Variants in BIRC6 observed in about 807,000 individuals in gnomAD.
BIRC6 encodes the protein baculoviral IAP repeat containing 6.
Under a neutral mutation model 503.3 loss-of-function variants are expected in BIRC6, and 98 were observed. The ratio of observed to expected loss-of-function variants is 0.19; its 90% CI spans 0.17 to 0.23. The LOEUF is 0.23. Ranked by LOEUF, BIRC6 falls within the 10% of genes least tolerant of loss-of-function variation. The pLI, the probability that BIRC6 is intolerant of heterozygous loss-of-function variation, is 1.00. For synonymous variants in BIRC6, 2,240 were observed against 2,078.7 expected (o/e 1.08, Z -2.11); for missense variants, 5,360 against 5,806.0 (o/e 0.92, Z 2.50).
chr2:32,439,676 C>G lies in BIRC6; in HGVS notation c.3800C>G (p.Ala1267Gly), dbSNP rs1274067006. 1 of 1,613,510 alleles carries G rather than the reference C, an allele frequency of 6.2e-7. No individual in the cohort carries two copies. The highest frequency in any genetic ancestry group is 8.5e-7 in the Non-Finnish European group (1 of 1,179,654). ...CTTGCTTCACTTTTGGCTAAAGTTG[C>G]AGCAGGCAAGGTATGAAACTGTCAT... Reference protein sequence around the residue: ...YSLASLLAKVAAGKEKSSNVK... With the variant: ...YSLASLLAKVGAGKEKSSNVK... The change falls in exon 16 of 74, where the codon GCA becomes GGA. Residue 1267 changes from alanine (A) to glycine (G), a missense_variant. Transcript: ENST00000421745.
chr2:32,484,959 G>T (rs2050830765), intron 39 of BIRC6, among the ~76,000 whole-genome samples: 1 of 152,146 alleles, frequency 6.6e-6, no homozygotes, highest in South Asian at 2.1e-4. Context: ...TCCCCCTTGA[G>T]ATTTTCTCAT....
At chr2:32,575,796 C>G (rs891050051) in intron 66 of BIRC6, among the ~76,000 whole-genome samples, 1 of 152,052 alleles carries the variant, frequency 6.6e-6, no homozygotes, top group African/African-American at 2.4e-5. Context: ...CATGCACACC[C>G]TCACACACAA....
Position 32,386,434 on chromosome 2 carries a change from GTC to G in BIRC6, c.646-2306_646-2305del, listed in dbSNP as rs75064270. On this transcript the variant is annotated intron_variant, in intron 3 of 73. Transcript: ENST00000421745. ...ATTTGATTACCTCTGTATCTTTTAA[GTC>G]TCTCTCTCTTTTTTTTTTTTTTTCC... Among the ~76,000 whole-genome samples the G allele has an allele frequency of 1.3e-4, 20 of 150,098 alleles. 1 individual carries two copies. The highest frequency in any genetic ancestry group is 3.3e-4 in the Admixed American group (5 of 14,944).
chr2:32,515,521 A>G lies in BIRC6; in HGVS notation c.11100A>G (p.Lys3700=). 1 of 1,614,008 alleles carries G rather than the reference A, an allele frequency of 6.2e-7. No homozygotes were observed. Among genetic ancestry groups the G allele is most frequent in the Non-Finnish European group, 8.5e-7 (1 of 1,179,892 alleles). The change falls in exon 55 of 74, where the codon AAA becomes AAG. Residue 3700 remains lysine, a synonymous_variant. Coordinates refer to ENST00000421745, the MANE Select transcript of BIRC6 (RefSeq NM_016252.4). The part of the protein sequence containing the change: ...LTEVGNSHIM[K]DWLGGSEVNP... ...AAGTTGGCAATAGCCATATTATGAA[A>G]GATTGGCTTGGTGGTTCTGAAGTCA... is the stretch of plus-strand genomic sequence containing the variant.
intron 23 of BIRC6, among the ~76,000 whole-genome samples, chr2:32,462,876 A>G (rs993098465): frequency 1.3e-5 from 2 of 151,896 alleles, no homozygotes; most frequent in Admixed American, 6.6e-5. Context: ...GAATCTCTTG[A>G]ACCCAGACGT....
chr2:32,458,852 G>C (rs980980784), intron 23 of BIRC6, among the ~76,000 whole-genome samples: 17 of 151,726 alleles, frequency 1.1e-4, no homozygotes, highest in African/African-American at 4.1e-4. Context: ...ACCACCATCA[G>C]TGAATTTTTT....
intron 1 of BIRC6, among the ~76,000 whole-genome samples, chr2:32,376,928 C>G (rs1006011073): frequency 6.6e-6 from 1 of 152,100 alleles, no homozygotes; most frequent in Non-Finnish European, 1.5e-5. Flanking sequence ...TGTTTTTGGG[C>G]TTCTATTGAC....
At chr2:32,526,206 G>A (rs749097821) in intron 59 of BIRC6, among the ~76,000 whole-genome samples, 1 of 152,134 alleles carries the variant, frequency 6.6e-6, no homozygotes, top group Non-Finnish European at 1.5e-5. Context: ...AGTTTTTTCA[G>A]TGTCCACAAG....
intron 22 of BIRC6, among the ~76,000 whole-genome samples, chr2:32,452,456 A>C (rs1343764159): frequency 3.3e-5 from 5 of 152,172 alleles, no homozygotes; most frequent in Admixed American, 2.0e-4. Context: ...AAAGCTCTTC[A>C]GGGTGCTTAA....
chr2:32,477,348 C>T lies in BIRC6; in HGVS notation c.6853-20C>T, dbSNP rs531458745. 8 of 1,608,380 alleles carry T rather than the reference C, an allele frequency of 5.0e-6. No individual in the cohort carries two copies. In the South Asian group the frequency reaches 8.8e-5, roughly 18 times the overall value. On this transcript the variant is annotated intron_variant, in intron 34 of 73. Transcript: ENST00000421745. ...CATTAAGTAAACATTGATTTAAACACTATACATTTTTGTGTGCAGCACTTT... is the reference window on the plus strand; with the variant it reads ...CATTAAGTAAACATTGATTTAAACATTATACATTTTTGTGTGCAGCACTTT...
chr2:32,475,288 T>C (rs1168926624), intron 33 of BIRC6, among the ~76,000 whole-genome samples: 1 of 152,188 alleles, frequency 6.6e-6, no homozygotes, highest in Non-Finnish European at 1.5e-5. Flanking sequence ...TCTAGTACTT[T>C]ATATTTAAAG....
intron 71 of BIRC6, 135 bp from the exon 72 acceptor site, chr2:32,607,320 A>G (rs578063437): frequency 3.3e-6 from 2 of 612,526 alleles, no homozygotes; most frequent in African/African-American, 1.8e-5. Context: ...TGTTATAATC[A>G]TAAACATTGA....
In BIRC6 at chr2:32,467,528, C is replaced by T; in HGVS notation, c.5360C>T (p.Ala1787Val). 6.2e-7 allele frequency: 1 copy of T among 1,612,376 alleles called. No individual in the cohort carries two copies. The highest frequency in any genetic ancestry group is 8.5e-7 in the Non-Finnish European group (1 of 1,178,532). Reference sequence around the variant, plus strand: ...CTGTTTCTTCTTTCTCTCATAGGAGCAAGAAGATTTGTGACCTTGGATTTT... The same window carrying T: ...CTGTTTCTTCTTTCTCTCATAGGAGTAAGAAGATTTGTGACCTTGGATTTT... ...SIIIERMHSG[A>V]RRFVTLDFGR... The change falls in exon 27 of 74, where the codon GCA becomes GTA. Residue 1787 changes from alanine to valine, a missense_variant. Physicochemically the swap from Ala to Val is moderately conservative, Grantham distance 64. Around this residue, in one of 16 missense-constraint regions of BIRC6, gnomAD observed 2,299 missense variants for 2,267.2 expected, o/e 1.01. Coordinates refer to ENST00000421745, the MANE Select transcript of BIRC6 (RefSeq NM_016252.4).
At chr2:32,558,442 A>C (rs768065510) in intron 65 of BIRC6, among the ~76,000 whole-genome samples, 21 of 152,174 alleles carry the variant, frequency 1.4e-4, no homozygotes, top group Non-Finnish European at 2.2e-4. Flanking sequence ...TTTCCTTTGA[A>C]GATTAGAGGA....
intron 18 of BIRC6, 25 bp downstream of exon 18, chr2:32,442,251 C>CCT (rs2045512938): frequency 1.2e-6 from 2 of 1,603,070 alleles, no homozygotes; most frequent in African/African-American, 2.7e-5. Context: ...TTTTGCTTAC[C>CCT]ACTGTTGATT....
intron 15 of BIRC6, among the ~76,000 whole-genome samples, chr2:32,439,154 G>A (rs889419994): frequency 6.6e-6 from 1 of 151,994 alleles, no homozygotes; most frequent in South Asian, 2.1e-4. Context: ...TTATTATCTA[G>A]ATGATAGCTT....
At chr2:32,482,608 C>T (rs1370495062) in intron 39 of BIRC6, 26 bp downstream of exon 39, 7 of 1,609,840 alleles carry the variant, frequency 4.3e-6, no homozygotes, top group East Asian at 2.2e-5. Flanking sequence ...TATTTTAAGA[C>T]ATATGCTATT....
intron 55 of BIRC6, 60 bp downstream of exon 55, chr2:32,515,830 T>C (rs149290532): frequency 7.0e-7 from 1 of 1,427,952 alleles, no homozygotes; most frequent in Non-Finnish European, 9.3e-7. Context: ...GGGCCATGTA[T>C]AAAGGCCAGG....
In BIRC6 at chr2:32,498,233, A is replaced by G. The variant is rs572133113; in HGVS notation, c.8469-1314A>G. 3.3e-5 allele frequency among the ~76,000 whole-genome samples: 5 copies of G among 152,112 alleles called. No individual in the cohort carries two copies. In the South Asian group the frequency reaches 1.0e-3, roughly 32 times the overall value. ...TCTGCTATGCTACTACACACGGCTA[A>G]TTTTTGTATATTTTGTAGGCGTAGT... On this transcript the variant is annotated intron_variant, in intron 45 of 73. Transcript: ENST00000421745.
Sources: allele counts gnomAD v4.1 joint callset (sites outside exome capture counted in the v4.1 genomes callset), GRCh38; gene constraint gnomAD v4.1.1; regional missense constraint gnomAD v4.1.1; transcripts MANE v1.5; gene names NCBI Gene and HGNC (gene_info 2026-07-23, HGNC 2026-07-21).